Variants in PTPRS observed in about 807,000 individuals in gnomAD.
PTPRS encodes protein tyrosine phosphatase receptor type S, also known as receptor-type tyrosine-protein phosphatase S.
A neutral mutation model predicts 215.3 loss-of-function variants in PTPRS; 63 were observed. That is an observed-to-expected ratio of 0.29 (90% CI 0.24 to 0.36). PTPRS has a LOEUF of 0.36. Among genes scored for constraint, PTPRS ranks in the 10% least tolerant of loss-of-function variants. PTPRS has a pLI of 1.00. For synonymous variants in PTPRS, 1,404 were observed against 1,191.4 expected, an observed-to-expected ratio of 1.18 and a Z score of -3.68; for missense variants, 2,258 against 2,825.8, an observed-to-expected ratio of 0.80 and a Z score of 4.56.
At chr19:5,301,270 G>GCCCA (rs112825051) in intron 1 of PTPRS, among the ~76,000 whole-genome samples, 81,094 of 151,286 alleles carry the variant, frequency 0.54, 23,889 homozygotes, top group African/African-American at 0.79. Context: ...CCCCTGCCAG[G>GCCCA]CCGTCTCCCA....
intron 1 of PTPRS, among the ~76,000 whole-genome samples, chr19:5,305,889 G>A (rs1327880469): frequency 2.8e-5 from 3 of 106,642 alleles, no homozygotes; most frequent in African/African-American, 3.7e-5. Context: ...GCAGTAAGCC[G>A]AGATCGCGCC....
In PTPRS at chr19:5,207,981, C is replaced by G. The variant is rs1186474095; in HGVS notation, c.5719G>C (p.Asp1907His). 1 of 1,614,148 alleles carries G rather than the reference C, an allele frequency of 6.2e-7. No individual in the cohort carries two copies. The highest frequency in any genetic ancestry group is 2.2e-5 in the East Asian group (1 of 44,888). ...AGCATCTTCACCGTCTGAAAGATGT[C>G]CACCACGCCTTCATACCGCATCCGC... ...LERMRYEGVV[D>H]IFQTVKMLRT... The change falls in exon 37 of 38, where the codon GAC becomes CAC. Residue 1907 changes from aspartate (D) to histidine (H), a missense_variant. Around this residue, in one of 6 missense-constraint regions of PTPRS, gnomAD observed 89 missense variants for 104.0 expected, o/e 0.86. Coordinates refer to ENST00000262963, the MANE Select transcript of PTPRS (RefSeq NM_002850.4).
In PTPRS at chr19:5,206,584, T is replaced by G; in HGVS notation, c.*190A>C. On this transcript the variant is annotated 3_prime_UTR_variant, in exon 38 of 38. Coordinates refer to ENST00000262963, the MANE Select transcript of PTPRS (RefSeq NM_002850.4). ...AAGGCGGCGGCCGGTGCCAGGGAGG[T>G]CGCTGGGGCGGCCGGGGCCGGTGGG... 2.3e-5 allele frequency: 11 copies of G among 474,186 alleles called. No individual in the cohort carries two copies. The highest frequency in any genetic ancestry group is 3.0e-5 in the Non-Finnish European group (8 of 264,614). The allele number at this position is 474,186 out of a possible 1,614,324, so 29.4% of individuals were successfully genotyped here.
Position 5,225,820 on chromosome 19 carries a change from G to T in PTPRS, c.2401C>A (p.Pro801Thr). 1 of 1,613,992 alleles carries T rather than the reference G, an allele frequency of 6.2e-7. No individual in the cohort carries two copies. Among genetic ancestry groups the T allele is most frequent in the Non-Finnish European group, 8.5e-7 (1 of 1,179,966 alleles). Residue 801 changes from proline to threonine, a missense_variant, in exon 17 of 38, where the codon CCT becomes ACT. Transcript: ENST00000262963. ...ACCGTGATGGAGTACGCGGTCTCAG[G>T]CTGCAAGTTTGTGATGACCATCTCC... ...EYEMVITNLQ[P>T]ETAYSITVAA... is the part of the protein sequence containing the mutation.
chr19:5,247,872 G>A (rs2044641962), intron 9 of PTPRS, among the ~76,000 whole-genome samples: 2 of 151,954 alleles, frequency 1.3e-5, no homozygotes, highest in Admixed American at 6.6e-5. Context: ...GGGTCCGGAA[G>A]CTGGCAGCCC....
intron 1 of PTPRS, among the ~76,000 whole-genome samples, chr19:5,306,289 C>A (rs887747831): frequency 1.3e-5 from 2 of 151,838 alleles, no homozygotes; most frequent in African/African-American, 2.4e-5. Flanking sequence ...GGATCACAGG[C>A]GTGCGCCACC....
rs1275540414 is a variant in PTPRS at position 5,232,212 on chromosome 19, CCTA to C, written c.1850-600_1850-598del. ...TAGTAAAATATCTATTTACTGAACA[CCTA>C]CTATGTGCCAGGCACCATGCCAAGG... On this transcript the variant is annotated intron_variant, in intron 13 of 37. Transcript: ENST00000262963. Among the ~76,000 whole-genome samples, 4 of 151,852 alleles carry C rather than the reference CCTA, an allele frequency of 2.6e-5. No homozygotes were observed. In the South Asian group the frequency reaches 6.3e-4, roughly 24 times the overall value.
In PTPRS at chr19:5,339,530, G is replaced by A. The variant is rs35736786; in HGVS notation, c.-95+1134C>T. On this transcript the variant is annotated intron_variant, in intron 1 of 37. Transcript: ENST00000262963. This position sits in a 1 kb window ranked among gnomAD's most constrained non-coding sequence, Gnocchi z 4.2. Reference sequence around the variant, plus strand: ...AAGGGGAGTTCCCCAATTTGGGAAGGGGGGGAATTGGTGGGAAATGTCCAG... The same window carrying A: ...AAGGGGAGTTCCCCAATTTGGGAAGAGGGGGAATTGGTGGGAAATGTCCAG... Among the ~76,000 whole-genome samples the A allele has an allele frequency of 3.4e-5, 5 of 148,218 alleles. No homozygotes were observed. Among genetic ancestry groups the A allele is most frequent in the Non-Finnish European group, 7.6e-5 (5 of 65,508 alleles).
chr19:5,264,427 C>T (rs982838482), intron 5 of PTPRS, among the ~76,000 whole-genome samples: 21 of 152,210 alleles, frequency 1.4e-4, no homozygotes, highest in Non-Finnish European at 2.9e-4. Context: ...GACACTTCTG[C>T]CTGTCTGTCT....
chr19:5,227,901 CA>C (rs1388873079), intron 16 of PTPRS, among the ~76,000 whole-genome samples: 1 of 152,112 alleles, frequency 6.6e-6, no homozygotes, highest in Non-Finnish European at 1.5e-5. Context: ...CACACGATCA[CA>C]GCATCATGTG....
intron 12 of PTPRS, 101 bp from the exon 13 acceptor site, chr19:5,239,164 G>GGAGAGAGA (rs36138461): frequency 6.9e-6 from 3 of 433,578 alleles, no homozygotes; most frequent in South Asian, 2.2e-5. Context: ...GGGGGGAGGG[G>GGAGAGAGA]GAGAGAGAGA....
chr19:5,317,020 T>TC (rs1189658535), intron 1 of PTPRS, among the ~76,000 whole-genome samples: 5 of 152,128 alleles, frequency 3.3e-5, no homozygotes, highest in Non-Finnish European at 7.3e-5. Flanking sequence ...TAGCTGGGGC[T>TC]CCTGCTCACC....
intron 32 of PTPRS, 28 bp downstream of exon 32, chr19:5,211,937 C>T: frequency 6.4e-7 from 1 of 1,558,600 alleles, no homozygotes; most frequent in Non-Finnish European, 8.7e-7. Context: ...CCCCACCCCG[C>T]CCACAGCAGC....
At chr19:5,309,022 G>A (rs961400532) in intron 1 of PTPRS, among the ~76,000 whole-genome samples, 1 of 152,190 alleles carries the variant, frequency 6.6e-6, no homozygotes, top group Non-Finnish European at 1.5e-5. Context: ...TGGCCCTACA[G>A]CCTGCCTGGC....
intron 16 of PTPRS, among the ~76,000 whole-genome samples, chr19:5,228,293 C>T (rs1364091689): frequency 5.1e-5 from 7 of 136,986 alleles, no homozygotes; most frequent in Admixed American, 1.5e-4. Flanking sequence ...TGCAGTGAGC[C>T]GAGATGGCGC....
intron 30 of PTPRS, among the ~76,000 whole-genome samples, chr19:5,212,920 G>C (rs181442242): frequency 3.3e-5 from 5 of 151,242 alleles, no homozygotes; most frequent in African/African-American, 1.2e-4. Flanking sequence ...GCTGGCCCTG[G>C]ACGGTTTCCA....
chr19:5,230,219 T>C (rs1361339834), intron 14 of PTPRS, among the ~76,000 whole-genome samples: 1 of 152,206 alleles, frequency 6.6e-6, no homozygotes, highest in Non-Finnish European at 1.5e-5. Context: ...ATTTCTTCTC[T>C]GGGCTTAGGA....
intron 12 of PTPRS, among the ~76,000 whole-genome samples, chr19:5,239,299 G>A (rs1037525393): frequency 2.0e-5 from 3 of 151,438 alleles, no homozygotes; most frequent in Non-Finnish European, 2.9e-5. Flanking sequence ...AGAGGGTACG[G>A]AGAGAGACAG....
In PTPRS at chr19:5,293,124, G is replaced by A. The variant is rs2048978953; in HGVS notation, c.-94-6890C>T. 1.3e-5 allele frequency: 2 copies of A among 151,608 alleles called. No individual in the cohort carries two copies. Among genetic ancestry groups the A allele is most frequent in the African/African-American group, 2.4e-5 (1 of 41,286 alleles). 9.4% of individuals were successfully genotyped at this position (151,608 alleles called of 1,614,324 possible). On this transcript the variant is annotated intron_variant, in intron 1 of 37. Coordinates refer to ENST00000262963, the MANE Select transcript of PTPRS (RefSeq NM_002850.4). This position sits in a 1 kb window ranked among gnomAD's most constrained non-coding sequence, Gnocchi z 8.4. ...GGCCCGGGCCTCGGGGTGGAAGGGG[G>A]TCCCGGGCGCACTCACCCCGCGGCT...
Sources: allele counts gnomAD v4.1 joint callset (sites outside exome capture counted in the v4.1 genomes callset), GRCh38; gene constraint gnomAD v4.1.1; regional missense constraint gnomAD v4.1.1; non-coding constraint Gnocchi (gnomAD v3.1); transcripts MANE v1.5; gene names NCBI Gene and HGNC (gene_info 2026-07-23, HGNC 2026-07-21).